The following DDX52 variants were observed in gnomAD, a reference collection of about 807,000 sequenced individuals.
DDX52 encodes the protein DExD-box helicase 52.
In DDX52, 59 loss-of-function variants were observed where a neutral mutation model predicts 76.1. The ratio of observed to expected loss-of-function variants is 0.78; its 90% CI spans 0.63 to 0.96. DDX52 has a LOEUF of 0.96. Among genes scored for constraint, DDX52 ranks in the 40% least tolerant of loss-of-function variants. DDX52 has a pLI of 0.00. For missense variants in DDX52, 707 were observed against 703.9 expected (o/e 1.00, Z -0.05); for synonymous variants, 231 against 244.1 (o/e 0.95, Z 0.50).
intron 13 of DDX52, among the ~76,000 whole-genome samples, chr17:37,619,244 T>C (rs1316312906): frequency 6.6e-6 from 1 of 152,100 alleles, no homozygotes; most frequent in Non-Finnish European, 1.5e-5. Flanking sequence ...CTGGGCATGG[T>C]GGCGCACACC....
At chr17:37,615,722 T>G (rs1310359718) in intron 14 of DDX52, among the ~76,000 whole-genome samples, 1 of 151,604 alleles carries the variant, frequency 6.6e-6, no homozygotes, top group Non-Finnish European at 1.5e-5. Flanking sequence ...TGCTATAAAC[T>G]TATAAAAATC....
At chr17:37,618,985 T>A (rs1216985451) in intron 13 of DDX52, among the ~76,000 whole-genome samples, 1 of 152,256 alleles carries the variant, frequency 6.6e-6, no homozygotes, top group African/African-American at 2.4e-5. Flanking sequence ...CAGAGTTTGA[T>A]TTTGATCAAT....
chr17:37,627,474 T>C (rs2030444037), intron 6 of DDX52, among the ~76,000 whole-genome samples: 1 of 152,160 alleles, frequency 6.6e-6, no homozygotes, highest in Admixed American at 6.5e-5. Flanking sequence ...CTCGAATTCC[T>C]GGGCTCAAGC....
At position 37,624,456 on chromosome 17, in the gene DDX52, T is replaced by C. The variant is rs561845030; in HGVS notation, c.1137-22A>G. 6 of 1,557,118 alleles carry C rather than the reference T, an allele frequency of 3.9e-6. No individual in the cohort carries two copies. In the East Asian group the frequency reaches 1.1e-4, roughly 30 times the overall value. ...ATTCCTGGGAAGAAAATATACCTTG[T>C]AGTTTGTAAGAGTTAATTTTTGCTT... On this transcript the variant is annotated intron_variant, in intron 8 of 14. Coordinates refer to ENST00000617633, the MANE Select transcript of DDX52 (RefSeq NM_007010.5).
intron 2 of DDX52, among the ~76,000 whole-genome samples, chr17:37,637,440 G>T (rs1360755779): frequency 1.3e-5 from 2 of 151,246 alleles, no homozygotes; most frequent in Admixed American, 1.3e-4. Context: ...CCTATTTTTT[G>T]TATAGATGGA....
At position 37,614,370 on chromosome 17, in the gene DDX52, A is replaced by C; in HGVS notation, c.1743-17T>G. On this transcript the variant is annotated splice_polypyrimidine_tract_variant and intron_variant, in intron 14 of 14. Coordinates refer to ENST00000617633, the MANE Select transcript of DDX52 (RefSeq NM_007010.5). ...ACCTTTTTCCTGTAAAGAGCAAAGT[A>C]AGAAAAATTGAATAAAAAATTCTAC... 1 of 1,603,842 alleles carries C rather than the reference A, an allele frequency of 6.2e-7. No homozygotes were observed.
At chr17:37,638,771 T>C (rs974848565) in intron 2 of DDX52, among the ~76,000 whole-genome samples, 5 of 17,086 alleles carry the variant, frequency 2.9e-4, no homozygotes, top group East Asian at 0.014. Flanking sequence ...GTTTTTTTTC[T>C]TTTTTTTTTT....
At chr17:37,629,584 T>A (rs11867675) in intron 5 of DDX52, among the ~76,000 whole-genome samples, 47,060 of 151,644 alleles carry the variant, frequency 0.31, 8,394 homozygotes, top group African/African-American at 0.48. Context: ...AAGAGGGAGA[T>A]CTCTTGAGGC....
At chr17:37,626,683 T>C (rs1337790956) in intron 7 of DDX52, 105 bp downstream of exon 7, 2 of 1,091,660 alleles carry the variant, frequency 1.8e-6, no homozygotes, top group East Asian at 2.4e-5. Context: ...TGACTGAAGG[T>C]GGCAAACAGC....
intron 11 of DDX52, 41 bp downstream of exon 11, chr17:37,621,086 T>A (rs373687391): frequency 2.0e-5 from 32 of 1,585,190 alleles, no homozygotes; most frequent in Non-Finnish European, 2.6e-5. Context: ...CTAAGACAGA[T>A]CAGTGGGTGA....
At chr17:37,639,553 T>G in intron 2 of DDX52, 8 of 479,756 alleles carry the variant, frequency 1.7e-5, no homozygotes, top group Non-Finnish European at 2.2e-5. Flanking sequence ...CTGGCTAACA[T>G]GGTGAAACCC....
chr17:37,629,661 A>C (rs1448146602), intron 5 of DDX52, among the ~76,000 whole-genome samples: 1 of 152,200 alleles, frequency 6.6e-6, no homozygotes, highest in Non-Finnish European at 1.5e-5. Context: ...ACAGAGTAAG[A>C]ATCTGTGGCT....
At position 37,615,749 on chromosome 17, in the gene DDX52, G is replaced by C. The variant is rs182133489; in HGVS notation, c.1743-1396C>G. On this transcript the variant is annotated intron_variant, in intron 14 of 14. Transcript: ENST00000617633. ...ATAAAAATCAGCATTTAGACTGGGC[G>C]CGGTGGGTCATGCCTTAGCACTTTG... 1.5e-3 allele frequency among the ~76,000 whole-genome samples: 234 copies of C among 152,208 alleles called. 1 individual carries two copies. Among genetic ancestry groups the C allele is most frequent in the African/African-American group, 5.4e-3 (224 of 41,530 alleles).
At chr17:37,616,823 A>T (rs1318374278) in intron 14 of DDX52, among the ~76,000 whole-genome samples, 1 of 152,222 alleles carries the variant, frequency 6.6e-6, no homozygotes, top group East Asian at 1.9e-4. Context: ...ATTTTGAGAC[A>T]CTATATATAC....
chr17:37,635,733 C>G (rs1000290684), intron 2 of DDX52: 5 of 420,248 alleles, frequency 1.2e-5, no homozygotes, highest in African/African-American at 6.1e-5. Flanking sequence ...AGTGGAATAG[C>G]TGGGTAATAT....
At chr17:37,624,066 T>C (rs1472240348) in intron 9 of DDX52, 1 of 218,872 alleles carries the variant, frequency 4.6e-6, no homozygotes, top group Non-Finnish European at 8.9e-6. Context: ...TAATCTGAGC[T>C]GCGAAAAGAC....
chr17:37,636,563 G>A (rs1278869833), intron 2 of DDX52, among the ~76,000 whole-genome samples: 5 of 152,194 alleles, frequency 3.3e-5, no homozygotes, highest in African/African-American at 7.2e-5. Flanking sequence ...GATCTAGTCT[G>A]AGACACTAAG....
chr17:37,628,470 T>C (rs1037735347), intron 6 of DDX52, 91 bp downstream of exon 6: 13 of 1,083,666 alleles, frequency 1.2e-5, no homozygotes, highest in Admixed American at 4.4e-5. Context: ...TACATGACTA[T>C]ACTTTAACAA....
At chr17:37,641,171 G>A in intron 2 of DDX52, among the ~76,000 whole-genome samples, 1 of 151,706 alleles carries the variant, frequency 6.6e-6, no homozygotes, top group East Asian at 1.9e-4. Context: ...CGGAGGCGGA[G>A]GAGGGTGGAT....
Sources: gnomAD v4.1 joint callset for allele counts (sites outside exome capture counted in the v4.1 genomes callset) on GRCh38, gnomAD v4.1.1 for gene constraint, MANE v1.5 for transcripts, NCBI Gene and HGNC (gene_info 2026-07-23, HGNC 2026-07-21) for gene names.